ABR: variants seen among roughly 807,000 people sequenced by gnomAD.
ABR encodes active breakpoint cluster region-related protein.
Under a neutral mutation model 107.2 loss-of-function variants are expected in ABR, and 35 were observed. The ratio of observed to expected loss-of-function variants is 0.33; its 90% CI spans 0.25 to 0.43. The LOEUF (loss-of-function observed/expected upper bound fraction) is 0.43. ABR is among the 20% of genes least tolerant of loss of function. The pLI, the probability that ABR is intolerant of heterozygous loss-of-function variation, is 1.00. For missense variants in ABR, 815 were observed against 1,115.2 expected, an observed-to-expected ratio of 0.73 and a Z score of 3.83; for synonymous variants, 498 against 462.0, an observed-to-expected ratio of 1.08 and a Z score of -1.00.
Position 1,051,709 on chromosome 17 carries a change from C to T in ABR, c.1562-1075G>A, listed in dbSNP as rs1055509417. On this transcript the variant is annotated intron_variant, in intron 14 of 22. Coordinates refer to ENST00000302538, the MANE Select transcript of ABR (RefSeq NM_021962.5). The surrounding 1 kb of genome is among the most constrained non-coding windows in gnomAD (Gnocchi z 4.3). The stretch of plus-strand genomic sequence containing the variant: ...TGAAACAACGTCAGAGGTCACAGTG[C>T]GGGCATACAGTGCAGGTGGCTTACT... Among the ~76,000 whole-genome samples the T allele has an allele frequency of 5.3e-5, 8 of 152,184 alleles. No individual in the cohort carries two copies. The highest frequency in any genetic ancestry group is 2.1e-4 in the South Asian group (1 of 4,836).
chr17:1,161,603 G>T (rs952642476), intron 1 of ABR, among the ~76,000 whole-genome samples: 3 of 148,172 alleles, frequency 2.0e-5, no homozygotes, highest in African/African-American at 7.5e-5. Flanking sequence ...AGCCCAGGCT[G>T]GAGTGCACTG....
At chr17:1,133,137 A>G (rs1011867085) in intron 1 of ABR, among the ~76,000 whole-genome samples, 1 of 152,076 alleles carries the variant, frequency 6.6e-6, no homozygotes. Flanking sequence ...GCTACTTGGG[A>G]AGGCTGAGGC....
chr17:1,218,393 G>T (rs16943458), intron 1 of ABR, among the ~76,000 whole-genome samples: 7,213 of 152,164 alleles, frequency 0.047, 232 homozygotes, highest in East Asian at 0.13. Context: ...TAGGTCTGTC[G>T]GGAAAATTAT....
chr17:1,031,924 T>A (rs1421277094), intron 16 of ABR: 3 of 824,142 alleles, frequency 3.6e-6, no homozygotes, highest in Non-Finnish European at 4.4e-6. Flanking sequence ...TCCTCCCTCC[T>A]CCGCATCCCT....
At chr17:1,142,336 G>A (rs2151499045) in intron 1 of ABR, among the ~76,000 whole-genome samples, 1 of 152,120 alleles carries the variant, frequency 6.6e-6, no homozygotes, top group South Asian at 2.1e-4. Flanking sequence ...TGTCATCCCA[G>A]CACTTTGGGA....
chr17:1,051,318 C>G lies in ABR; in HGVS notation c.1562-684G>C, dbSNP rs1051309687. On this transcript the variant is annotated intron_variant, in intron 14 of 22. Transcript: ENST00000302538. This position sits in a 1 kb window ranked among gnomAD's most constrained non-coding sequence, Gnocchi z 4.3. Reference sequence around the variant, plus strand: ...GAGAAGCCTGGGTTTTCCTGCCTGCCGGTGTACCCGCAGTACCAAGAACAG... The same window carrying G: ...GAGAAGCCTGGGTTTTCCTGCCTGCGGGTGTACCCGCAGTACCAAGAACAG... Among the ~76,000 whole-genome samples, 1 of 151,834 alleles carries G rather than the reference C, an allele frequency of 6.6e-6. No homozygotes were observed. Among genetic ancestry groups the G allele is most frequent in the African/African-American group, 2.4e-5 (1 of 41,394 alleles).
intron 18 of ABR, 59 bp downstream of exon 18, chr17:1,012,629 G>A (rs1034292938): frequency 7.9e-5 from 106 of 1,339,594 alleles, no homozygotes; most frequent in South Asian, 1.9e-4. Context: ...TGGGGGGCCC[G>A]GGCTGGGGGG....
intron 16 of ABR, among the ~76,000 whole-genome samples, chr17:1,029,489 C>G (rs1351255183): frequency 2.0e-5 from 3 of 152,184 alleles, no homozygotes; most frequent in Admixed American, 6.5e-5. Flanking sequence ...AATGAACCTT[C>G]AGGTCAGTGG....
At chr17:1,108,193 G>T (rs984802405) in intron 2 of ABR, among the ~76,000 whole-genome samples, 6 of 152,252 alleles carry the variant, frequency 3.9e-5, no homozygotes, top group Non-Finnish European at 7.3e-5. Flanking sequence ...GTGTGTCCAG[G>T]AGAGAAAAAG....
intron 1 of ABR, among the ~76,000 whole-genome samples, chr17:1,146,669 G>C (rs377131941): frequency 8.9e-6 from 1 of 112,854 alleles, no homozygotes; most frequent in African/African-American, 3.7e-5. Context: ...ACTGCCACCA[G>C]GCCACCACTG....
intron 1 of ABR, among the ~76,000 whole-genome samples, chr17:1,173,570 G>A (rs1004346074): frequency 1.3e-5 from 2 of 152,010 alleles, no homozygotes; most frequent in Admixed American, 1.3e-4. Flanking sequence ...GGGGGTCTCT[G>A]ACTCCACTAC....
intron 16 of ABR, among the ~76,000 whole-genome samples, chr17:1,041,064 A>G (rs1026117818): frequency 3.9e-5 from 6 of 151,972 alleles, no homozygotes; most frequent in Non-Finnish European, 7.4e-5. Context: ...GGATTACAGG[A>G]GCGCACCATC....
At chr17:1,013,013 C>G (rs916885342) in intron 17 of ABR, 92 bp downstream of exon 17, 54 of 1,486,432 alleles carry the variant, frequency 3.6e-5, no homozygotes, top group Non-Finnish European at 4.9e-5. Context: ...CACAGCGGCC[C>G]CAGGAGCAGC....
chr17:1,120,156 C>G (rs2039284052), intron 2 of ABR, among the ~76,000 whole-genome samples: 1 of 152,134 alleles, frequency 6.6e-6, no homozygotes, highest in Non-Finnish European at 1.5e-5. Flanking sequence ...TGTTGGGGCT[C>G]TTAAATGAAA....
rs185437103 is a variant in ABR at position 1,126,895 on chromosome 17, C to A, written c.62-1528G>T. Among the ~76,000 whole-genome samples, 289 of 152,354 alleles carry A rather than the reference C, an allele frequency of 1.9e-3. 1 individual carries two copies. Among genetic ancestry groups the A allele is most frequent in the Non-Finnish European group, 3.0e-3 (205 of 68,028 alleles). On this transcript the variant is annotated intron_variant, in intron 1 of 22. Transcript: ENST00000302538. ...TGGAGCGAATGAATGAGCAGAGGAT[C>A]GCACCGTCTGTCTCAGGTCTGAGGC... is the stretch of plus-strand genomic sequence containing the variant.
intron 2 of ABR, among the ~76,000 whole-genome samples, chr17:1,113,643 G>A (rs1322341485): frequency 6.6e-6 from 1 of 152,120 alleles, no homozygotes; most frequent in Non-Finnish European, 1.5e-5. Flanking sequence ...AGCCTCCCGT[G>A]ACTCCCCGTT....
At chr17:1,219,788 G>A (rs77534545) in intron 1 of ABR, among the ~76,000 whole-genome samples, 2,678 of 147,634 alleles carry the variant, frequency 0.018, 154 homozygotes, top group Admixed American at 0.12. Context: ...TTTTAAAACT[G>A]AGGAAAGAAT....
intron 16 of ABR, among the ~76,000 whole-genome samples, chr17:1,048,689 G>T (rs1199166178): frequency 3.4e-5 from 5 of 145,156 alleles, no homozygotes; most frequent in Non-Finnish European, 5.9e-5. Context: ...GATCACCTCC[G>T]GGGCCACGGT....
chr17:1,005,916 A>G lies in ABR; in HGVS notation c.*164T>C, dbSNP rs73978318. 1.7e-3 allele frequency: 1,179 copies of G among 686,294 alleles called. 12 individuals carry two copies. The African/African-American group carries it at 0.018, about 11-fold the overall frequency. 42.5% of individuals were successfully genotyped at this position (686,294 alleles called of 1,614,324 possible). A position where few individuals can be genotyped will look rare whatever the true frequency, so the allele number is the denominator to read the frequency against. ...TGGGGCTGGGCAGCCGGCTTTGTAC[A>G]AGGTGGCACAAAAGACGTACGCATT... On this transcript the variant is annotated 3_prime_UTR_variant, in exon 23 of 23. Coordinates refer to ENST00000302538, the MANE Select transcript of ABR (RefSeq NM_021962.5).
Sources: allele counts gnomAD v4.1 joint callset (sites outside exome capture counted in the v4.1 genomes callset), GRCh38; gene constraint gnomAD v4.1.1; non-coding constraint Gnocchi (gnomAD v3.1); transcripts MANE v1.5; gene names NCBI Gene and HGNC (gene_info 2026-07-23, HGNC 2026-07-21).